ASAP3: variants seen among roughly 807,000 people sequenced by gnomAD.
ASAP3 encodes ArfGAP with SH3 domain, ankyrin repeat and PH domain 3.
ASAP3 carries 85 observed loss-of-function variants against 118.2 expected under a neutral mutation model. The observed-to-expected ratio is 0.72, with a 90% CI of 0.60 to 0.86. ASAP3 has a LOEUF of 0.86. Among genes scored for constraint, ASAP3 ranks in the 40% least tolerant of loss-of-function variants. The pLI is 0.00. For synonymous variants in ASAP3, 432 were observed against 477.4 expected (o/e 0.90, Z 1.24); for missense variants, 1,026 against 1,175.0 (o/e 0.87, Z 1.85).
rs763513329 is a variant in ASAP3, at chr1:23,437,412, G to A, written c.1151+12C>T. Reference sequence around the variant, plus strand: ...CCACAAGGCTGGCCGGGCTGGCCGAGGGGGCACTCACGCCTCACACTCGTG... The same window carrying A: ...CCACAAGGCTGGCCGGGCTGGCCGAAGGGGCACTCACGCCTCACACTCGTG... On this transcript the variant is annotated intron_variant, in intron 13 of 24. Transcript: ENST00000336689. The surrounding 1 kb of genome is among the most constrained non-coding windows in gnomAD (Gnocchi z 6.1). The A allele has an allele frequency of 5.0e-6, 8 of 1,613,780 alleles. No individual in the cohort carries two copies. Among genetic ancestry groups the A allele is most frequent in the Middle Eastern group, 3.3e-4 (2 of 6,062 alleles).
At chr1:23,455,241 C>T (rs1641343217) in intron 3 of ASAP3, among the ~76,000 whole-genome samples, 1 of 152,172 alleles carries the variant, frequency 6.6e-6, no homozygotes, top group African/African-American at 2.4e-5. Context: ...GCATCCGGAT[C>T]GAATGAGTGA....
chr1:23,464,164 C>T (rs1377587533), intron 1 of ASAP3, among the ~76,000 whole-genome samples: 1 of 150,998 alleles, frequency 6.6e-6, no homozygotes, highest in African/African-American at 2.4e-5. Flanking sequence ...GTGAGACCCC[C>T]ACCCCGATCT....
intron 10 of ASAP3, among the ~76,000 whole-genome samples, chr1:23,440,799 TGAGCCGA>T (rs1315397513): frequency 1.4e-5 from 2 of 142,500 alleles, no homozygotes; most frequent in African/African-American, 5.3e-5. Context: ...GAGCTTACAG[TGAGCCGA>T]GATCATGGCA....
chr1:23,458,898 C>T (rs761596545), intron 1 of ASAP3, among the ~76,000 whole-genome samples: 1 of 152,052 alleles, frequency 6.6e-6, no homozygotes, highest in Non-Finnish European at 1.5e-5. Context: ...TGGGCCAGCA[C>T]AGTGGCTCAC....
At chr1:23,484,224 C>G (rs906323594), upstream of ASAP3, 1 of 1,173,006 alleles carries the variant, frequency 8.5e-7, no homozygotes, top group Non-Finnish European at 1.1e-6. Flanking sequence ...CCGGGGGCGC[C>G]GTCCCGGCCT....
At chr1:23,435,786 C>A in intron 17 of ASAP3, 65 bp downstream of exon 17, 1 of 1,585,854 alleles carries the variant, frequency 6.3e-7, no homozygotes, top group Non-Finnish European at 8.7e-7. Flanking sequence ...ACAGCTGGTC[C>A]TGGAGAAGAA....
chr1:23,442,406 C>T, intron 6 of ASAP3, 95 bp downstream of exon 6: 2 of 1,591,082 alleles, frequency 1.3e-6, no homozygotes, highest in South Asian at 1.1e-5. Flanking sequence ...GGCCATGTGG[C>T]CAGGACCTGA....
chr1:23,463,147 C>T (rs1202240047), intron 1 of ASAP3, among the ~76,000 whole-genome samples: 2 of 152,178 alleles, frequency 1.3e-5, no homozygotes, highest in African/African-American at 2.4e-5. Context: ...ACTGTTTCAG[C>T]CAGGCATGGT....
Position 23,438,053 on chromosome 1 carries a change from C to T in ASAP3, c.1103-581G>A, listed in dbSNP as rs1640739664. 6.6e-6 allele frequency among the ~76,000 whole-genome samples: 1 copy of T among 152,158 alleles called. No individual in the cohort carries two copies. Among genetic ancestry groups the T allele is most frequent in the African/African-American group, 2.4e-5 (1 of 41,438 alleles). ...GAACCCTCCACTCTGGCCAAACCGG[C>T]CAGACCCACTCTCCTGCTTCCATGC... On this transcript the variant is annotated intron_variant, in intron 12 of 24. Transcript: ENST00000336689. The surrounding 1 kb of genome is among the most constrained non-coding windows in gnomAD (Gnocchi z 4.9).
At chr1:23,461,404 C>G (rs1641581172) in intron 1 of ASAP3, among the ~76,000 whole-genome samples, 1 of 151,996 alleles carries the variant, frequency 6.6e-6, no homozygotes, top group South Asian at 2.1e-4. Flanking sequence ...GGTGGGGTGG[C>G]TCACGGCTGT....
At chr1:23,433,345 C>T (rs1000948715) in intron 21 of ASAP3, 73 bp from the exon 22 acceptor site, 1 of 1,611,672 alleles carries the variant, frequency 6.2e-7, no homozygotes, top group Non-Finnish European at 8.5e-7. Context: ...CGCCTCACCG[C>T]CCCCGCCAAC....
At chr1:23,455,295 G>A (rs1476728352) in intron 3 of ASAP3, among the ~76,000 whole-genome samples, 1 of 152,226 alleles carries the variant, frequency 6.6e-6, no homozygotes, top group Non-Finnish European at 1.5e-5. Context: ...GGGAAGAGCT[G>A]CTGTCACAGG....
intron 1 of ASAP3, chr1:23,480,254 C>T (rs74809882): frequency 6.6e-6 from 1 of 152,290 alleles, no homozygotes; most frequent in African/African-American, 2.4e-5. Flanking sequence ...CTTTGAAGAT[C>T]TCCTATTTGT....
rs914804605 is a variant in ASAP3 at position 23,428,932 on chromosome 1, C to T, written c.*924G>A. On this transcript the variant is annotated 3_prime_UTR_variant, in exon 25 of 25. Transcript: ENST00000336689. ...TGCCCTCCCAATTCTATTACTCTCC[C>T]TTCTTTCTTTGCCTCTCCATTCCCT... The T allele has an allele frequency of 1.9e-5, 3 of 154,826 alleles. No homozygotes were observed. The highest frequency in any genetic ancestry group is 4.4e-5 in the Non-Finnish European group (3 of 68,220). 9.6% of individuals were successfully genotyped at this position (154,826 alleles called of 1,614,324 possible).
intron 3 of ASAP3, 82 bp downstream of exon 3, chr1:23,455,799 G>A: frequency 1.3e-6 from 2 of 1,558,210 alleles, no homozygotes; most frequent in South Asian, 1.2e-5. Context: ...GGAGAAGGAA[G>A]GAAACGGACC....
In ASAP3 at chr1:23,437,402, G is replaced by A. The variant is rs1425789789; in HGVS notation, c.1151+22C>T. 1 of 1,613,300 alleles carries A rather than the reference G, an allele frequency of 6.2e-7. No homozygotes were observed. The highest frequency in any genetic ancestry group is 8.5e-7 in the Non-Finnish European group (1 of 1,179,592). Reference sequence around the variant, plus strand: ...CGGCCCCCACCCACAAGGCTGGCCGGGCTGGCCGAGGGGGCACTCACGCCT... The same window carrying A: ...CGGCCCCCACCCACAAGGCTGGCCGAGCTGGCCGAGGGGGCACTCACGCCT... On this transcript the variant is annotated intron_variant, in intron 13 of 24. Coordinates refer to ENST00000336689, the MANE Select transcript of ASAP3 (RefSeq NM_017707.4). This position sits in a 1 kb window ranked among gnomAD's most constrained non-coding sequence, Gnocchi z 6.1.
chr1:23,439,183 C>G lies in ASAP3; in HGVS notation c.992G>C (p.Cys331Ser). The stretch of plus-strand genomic sequence containing the variant: ...CACCGTGCTGTGTGAGATGGTCAGG[C>G]AGCCATACTTGACTCCACACTTCCT... Reference protein sequence around the residue: ...QKRKCGVKYGCLTISHSTINR... With the variant: ...QKRKCGVKYGSLTISHSTINR... The change falls in exon 11 of 25, where the codon TGC (cysteine) becomes TCC (serine). Residue 331 changes from cysteine to serine, a missense_variant. Transcript: ENST00000336689. The G allele has an allele frequency of 6.2e-7, 1 of 1,614,134 alleles. No individual in the cohort carries two copies. Among genetic ancestry groups the G allele is most frequent in the Non-Finnish European group, 8.5e-7 (1 of 1,180,010 alleles).
intron 1 of ASAP3, among the ~76,000 whole-genome samples, chr1:23,469,511 G>A (rs12729418): frequency 0.54 from 82,444 of 151,848 alleles, 26,155 homozygotes; most frequent in Non-Finnish European, 0.69. Context: ...ATGTTCAAGC[G>A]GGACAAAGAG....
intron 5 of ASAP3, among the ~76,000 whole-genome samples, chr1:23,450,168 G>A (rs909460157): frequency 2.0e-5 from 3 of 152,216 alleles, no homozygotes; most frequent in African/African-American, 7.2e-5. Flanking sequence ...CCTCAGACTT[G>A]GAGCGGTGCC....
Sources: allele counts gnomAD v4.1 joint callset (sites outside exome capture counted in the v4.1 genomes callset), GRCh38; gene constraint gnomAD v4.1.1; non-coding constraint Gnocchi (gnomAD v3.1); transcripts MANE v1.5; gene names NCBI Gene and HGNC (gene_info 2026-07-23, HGNC 2026-07-21).